Variants in GLIS3 observed in about 807,000 individuals in gnomAD.
The protein encoded by GLIS3 is zinc finger protein GLIS3.
GLIS3 carries 53 observed loss-of-function variants against 78.6 expected under a neutral mutation model. The ratio of observed to expected loss-of-function variants is 0.67; its 90% CI spans 0.54 to 0.85. The LOEUF (loss-of-function observed/expected upper bound fraction) is 0.85, where lower values mean the gene tolerates loss of function less well. GLIS3 is among the 40% of genes least tolerant of loss of function. The probability of loss-of-function intolerance (pLI) is 0.00; values close to 1 mark genes in which losing one functional copy is unlikely to be tolerated. For synonymous variants in GLIS3, 684 were observed against 509.9 expected, an observed-to-expected ratio of 1.34 and a Z score of -4.60; for missense variants, 1,703 against 1,231.1, an observed-to-expected ratio of 1.38 and a Z score of -5.74.
chr9:4,406,624 A>T, the GLIS3 span, among the ~76,000 whole-genome samples: 3 of 152,202 alleles, frequency 2.0e-5, no homozygotes, highest in African/African-American at 7.2e-5. Context: ...AAAATCAACA[A>T]ACAAAAACCA....
chr9:3,870,814 T>C (rs1454908964), intron 8 of GLIS3, among the ~76,000 whole-genome samples: 1 of 152,234 alleles, frequency 6.6e-6, no homozygotes, highest in Non-Finnish European at 1.5e-5. Context: ...CCCTGGCCCA[T>C]GCCAAATCTC....
the GLIS3 span, among the ~76,000 whole-genome samples, chr9:4,440,711 T>C: frequency 4.1e-3 from 619 of 152,326 alleles, 5 homozygotes; most frequent in African/African-American, 0.014. Flanking sequence ...ATTGGTATTT[T>C]GACAGGGGTT....
At chr9:4,270,748 G>A (rs376258650) in intron 2 of GLIS3, among the ~76,000 whole-genome samples, 1 of 152,188 alleles carries the variant, frequency 6.6e-6, no homozygotes, top group East Asian at 1.9e-4. Context: ...GTCTCCTTCT[G>A]CCTTCAGCCT....
chr9:4,211,616 G>A (rs1402643914), intron 2 of GLIS3, among the ~76,000 whole-genome samples: 1 of 152,184 alleles, frequency 6.6e-6, no homozygotes, highest in Non-Finnish European at 1.5e-5. Flanking sequence ...AAACAGTTTG[G>A]TAGTTTCTTA....
At chr9:4,064,240 T>A (rs1353038375) in intron 4 of GLIS3, among the ~76,000 whole-genome samples, 1 of 151,994 alleles carries the variant, frequency 6.6e-6, no homozygotes, top group East Asian at 1.9e-4. Flanking sequence ...TAAAAATAAA[T>A]TCTACAAGGA....
In GLIS3 at chr9:4,309,527, A is replaced by C. The variant is rs929539008; in HGVS notation, n.393-559T>G. Among the ~76,000 whole-genome samples, 3 of 152,160 alleles carry C rather than the reference A, an allele frequency of 2.0e-5. No homozygotes were observed. In the East Asian group the frequency reaches 5.8e-4, roughly 29 times the overall value. ...GAAGGTCATAAAATAGGCTGAAAAA[A>C]GGAGAGGGGTGGAGGTTATGAAAAA... is the stretch of plus-strand genomic sequence containing the variant. On this transcript the variant is annotated intron_variant and non_coding_transcript_variant, in intron 3 of 4. Transcript: ENST00000471664.
intron 2 of GLIS3, among the ~76,000 whole-genome samples, chr9:4,199,488 TAA>T (rs1415421012): frequency 1.3e-5 from 2 of 149,368 alleles, no homozygotes; most frequent in African/African-American, 4.9e-5. Flanking sequence ...AAGTTATATA[TAA>T]GTTTATATGA....
chr9:4,469,089 T>C, the GLIS3 span, among the ~76,000 whole-genome samples: 1 of 152,162 alleles, frequency 6.6e-6, no homozygotes, highest in East Asian at 1.9e-4. Flanking sequence ...GAGCTAACTA[T>C]CCTAAATATA....
At chr9:4,289,616 C>T (rs1348796330) in intron 1 of GLIS3, among the ~76,000 whole-genome samples, 2 of 152,156 alleles carry the variant, frequency 1.3e-5, no homozygotes, top group East Asian at 3.9e-4. Context: ...TCAGCATTTT[C>T]TCCTCTGTTC....
chr9:4,194,535 C>G (rs1818624825), intron 2 of GLIS3, among the ~76,000 whole-genome samples: 1 of 152,176 alleles, frequency 6.6e-6, no homozygotes, highest in African/African-American at 2.4e-5. Flanking sequence ...TTCAGCATGC[C>G]TCAGCCACTT....
chr9:3,972,750 G>T (rs1252807057), intron 4 of GLIS3, among the ~76,000 whole-genome samples: 2 of 152,028 alleles, frequency 1.3e-5, no homozygotes, highest in African/African-American at 4.8e-5. Context: ...TACTTTCCTG[G>T]TATTAGTAAG....
At chr9:4,082,462 G>A (rs958278959) in intron 4 of GLIS3, among the ~76,000 whole-genome samples, 6 of 152,196 alleles carry the variant, frequency 3.9e-5, no homozygotes, top group African/African-American at 1.2e-4. Context: ...GGGTGGGCAA[G>A]ATATAAGCCA....
chr9:3,950,982 T>C (rs1022089999), intron 4 of GLIS3, among the ~76,000 whole-genome samples: 4 of 152,196 alleles, frequency 2.6e-5, no homozygotes, highest in Non-Finnish European at 5.9e-5. Flanking sequence ...TAATAAAAGA[T>C]GAGACAAACT....
chr9:4,451,948 G>A, the GLIS3 span, among the ~76,000 whole-genome samples: 5 of 151,714 alleles, frequency 3.3e-5, no homozygotes, highest in African/African-American at 9.8e-5. Context: ...ACGGAATCCA[G>A]CAGCACATCA....
intron 4 of GLIS3, among the ~76,000 whole-genome samples, chr9:4,014,658 T>C (rs1287177043): frequency 2.6e-5 from 4 of 152,226 alleles, no homozygotes; most frequent in African/African-American, 7.2e-5. Flanking sequence ...ATGAACTTGA[T>C]TGAAAACTTC....
chr9:4,195,040 A>C (rs2131235962), intron 2 of GLIS3, among the ~76,000 whole-genome samples: 1 of 152,366 alleles, frequency 6.6e-6, no homozygotes, highest in Non-Finnish European at 1.5e-5. Flanking sequence ...CTCCACAGCC[A>C]GAACTGTGAA....
intron 4 of GLIS3, among the ~76,000 whole-genome samples, chr9:4,087,701 G>A (rs958489314): frequency 2.0e-5 from 3 of 152,080 alleles, no homozygotes; most frequent in African/African-American, 7.2e-5. Flanking sequence ...TCATATCGGT[G>A]AAAAAATATT....
At chr9:3,857,041 T>C (rs1169407846) in intron 8 of GLIS3, among the ~76,000 whole-genome samples, 2 of 152,234 alleles carry the variant, frequency 1.3e-5, no homozygotes, top group East Asian at 3.8e-4. Flanking sequence ...AGGCAAGATG[T>C]AATTGTTAGA....
At chr9:4,357,260 A>T in the GLIS3 span, among the ~76,000 whole-genome samples, 2 of 152,172 alleles carry the variant, frequency 1.3e-5, no homozygotes, top group African/African-American at 4.8e-5. Flanking sequence ...TGAAATTAAC[A>T]TTTGAATCAG....
Sources: allele counts gnomAD v4.1 joint callset (sites outside exome capture counted in the v4.1 genomes callset), GRCh38; gene constraint gnomAD v4.1.1; transcripts MANE v1.5; gene names NCBI Gene and HGNC (gene_info 2026-07-23, HGNC 2026-07-21).